The following SCMH1 variants were observed in gnomAD, a reference collection of about 807,000 sequenced individuals.
SCMH1 encodes polycomb protein SCMH1.
In SCMH1, 37 loss-of-function variants were observed where a neutral mutation model predicts 70.8. The ratio of observed to expected loss-of-function variants is 0.52; its 90% CI spans 0.40 to 0.69. The LOEUF (loss-of-function observed/expected upper bound fraction) is 0.69. SCMH1 is among the 30% of genes least tolerant of loss of function. SCMH1 has a pLI of 0.00. For synonymous variants in SCMH1, 292 were observed against 307.4 expected (o/e 0.95, Z 0.52); for missense variants, 607 against 827.3 (o/e 0.73, Z 3.27).
intron 1 of SCMH1, among the ~76,000 whole-genome samples, chr1:41,187,991 T>G (rs1650711812): frequency 1.3e-5 from 2 of 151,638 alleles, no homozygotes; most frequent in Admixed American, 1.3e-4. Flanking sequence ...TCAAAATAAA[T>G]AAATAAATAA....
chr1:41,089,790 T>TTTTTTTTTTTTTTTTTTTTC (rs1662840436), intron 8 of SCMH1, among the ~76,000 whole-genome samples: 1 of 98,654 alleles, frequency 1.0e-5, no homozygotes, highest in Non-Finnish European at 2.0e-5. Flanking sequence ...GTTGTCTCTT[T>TTTTTTTTTTTTTTTTTTTTC]TTTTTTTTTT....
intron 3 of SCMH1, among the ~76,000 whole-genome samples, chr1:41,161,156 G>C (rs899210286): frequency 1.3e-5 from 2 of 152,174 alleles, no homozygotes; most frequent in African/African-American, 4.8e-5. Flanking sequence ...AAGCTAATTT[G>C]GGATTACCTA....
chr1:41,131,785 T>C (rs563983335), intron 6 of SCMH1, among the ~76,000 whole-genome samples: 5 of 152,278 alleles, frequency 3.3e-5, no homozygotes, highest in South Asian at 2.1e-4. Context: ...CTCGCACTTA[T>C]GAGAATGTGC....
At chr1:41,236,108 G>T (rs1481998841) in intron 1 of SCMH1, among the ~76,000 whole-genome samples, 2 of 152,162 alleles carry the variant, frequency 1.3e-5, no homozygotes, top group Non-Finnish European at 2.9e-5. Context: ...CCTAGGAGTG[G>T]AATTGCTAGA....
chr1:41,027,355 C>T (rs573522531), exon 15 of SCMH1: 4 of 152,462 alleles, frequency 2.6e-5, no homozygotes, highest in Admixed American at 2.6e-4. Flanking sequence ...CCTCCCATCC[C>T]CCTTAGCGCC....
rs542159183 is a variant in SCMH1, at chr1:41,070,858, T to G, written c.979-137A>C. 4 of 1,094,902 alleles carry G rather than the reference T, an allele frequency of 3.7e-6. No homozygotes were observed. In the African/African-American group the frequency reaches 6.3e-5, roughly 17 times the overall value. 67.8% of individuals were successfully genotyped at this position (1,094,902 alleles called of 1,614,324 possible). On this transcript the variant is annotated intron_variant, in intron 9 of 14. Coordinates refer to ENST00000337495, the Ensembl canonical transcript of SCMH1. ...TTTTATCTTTGTTCTCTACACAGCATCTGGCTTAAAGCTATACATATACCT... is the reference window on the plus strand; with the variant it reads ...TTTTATCTTTGTTCTCTACACAGCAGCTGGCTTAAAGCTATACATATACCT...
intron 5 of SCMH1, among the ~76,000 whole-genome samples, chr1:41,144,204 A>C (rs1239787216): frequency 1.3e-5 from 2 of 152,140 alleles, no homozygotes; most frequent in Non-Finnish European, 2.9e-5. Context: ...CTAATTTTAT[A>C]ACATTTCCAT....
chr1:41,227,452 C>T (rs140500046), intron 1 of SCMH1, among the ~76,000 whole-genome samples: 13 of 152,272 alleles, frequency 8.5e-5, no homozygotes, highest in African/African-American at 1.2e-4. Flanking sequence ...CACGCTATAA[C>T]ACAGACGAAC....
intron 8 of SCMH1, among the ~76,000 whole-genome samples, chr1:41,099,444 G>A (rs1299325570): frequency 1.3e-5 from 2 of 152,116 alleles, no homozygotes; most frequent in African/African-American, 4.8e-5. Context: ...AATTCTCAAA[G>A]TACTTTAACA....
chr1:41,148,705 T>G (rs961883717), intron 5 of SCMH1, among the ~76,000 whole-genome samples: 6 of 152,204 alleles, frequency 3.9e-5, no homozygotes, highest in Non-Finnish European at 7.3e-5. Context: ...GCAATTTGAT[T>G]ATGATATGCC....
chr1:41,040,112 A>G (rs1322897100), intron 12 of SCMH1, among the ~76,000 whole-genome samples: 3 of 152,136 alleles, frequency 2.0e-5, no homozygotes, highest in Non-Finnish European at 4.4e-5. Flanking sequence ...GAGAGGAAAA[A>G]TGCTTAAACT....
At chr1:41,086,159 C>T (rs1362617752) in intron 8 of SCMH1, among the ~76,000 whole-genome samples, 1 of 152,202 alleles carries the variant, frequency 6.6e-6, no homozygotes, top group Non-Finnish European at 1.5e-5. Context: ...AAATGTACTA[C>T]AAAAATTTTA....
In SCMH1 at chr1:41,028,216, C is replaced by T. The variant is rs143523539; in HGVS notation, c.1925G>A (p.Arg642Gln). 1.1e-4 allele frequency: 180 copies of T among 1,613,968 alleles called. No individual in the cohort carries two copies. The highest frequency in any genetic ancestry group is 1.3e-4 in the Non-Finnish European group (150 of 1,179,996). The stretch of plus-strand genomic sequence containing the variant: ...GGTTCAGAACTTGCCCTGCTTCAGC[C>T]GGTCAATGTGGTAGGAGAGCTTGAG... Residue 642 changes from arginine (R) to glutamine (Q), a missense_variant, in exon 15 of 15, where the codon CGG becomes CAG. Arg to Gln is a conservative substitution (Grantham distance 43). Around this residue, in one of 3 missense-constraint regions of SCMH1, gnomAD observed 430 missense variants for 528.2 expected, o/e 0.81. Transcript: ENST00000337495.
intron 10 of SCMH1, among the ~76,000 whole-genome samples, chr1:41,068,538 T>C (rs1237348694): frequency 6.6e-6 from 1 of 152,150 alleles, no homozygotes; most frequent in Admixed American, 6.5e-5. Flanking sequence ...CCTGAGTAGC[T>C]GGGACTACAG....
intron 8 of SCMH1, among the ~76,000 whole-genome samples, chr1:41,083,144 G>A (rs1660554006): frequency 6.6e-6 from 1 of 152,144 alleles, no homozygotes; most frequent in South Asian, 2.1e-4. Flanking sequence ...GCAGGAGAAG[G>A]AAATAAAGGG....
At chr1:41,196,981 A>G (rs889133100) in intron 1 of SCMH1, among the ~76,000 whole-genome samples, 1 of 152,184 alleles carries the variant, frequency 6.6e-6, no homozygotes, top group Non-Finnish European at 1.5e-5. Flanking sequence ...GAAATGCAAA[A>G]AATACCTACA....
At chr1:41,202,072 A>C (rs1191568394) in intron 1 of SCMH1, among the ~76,000 whole-genome samples, 1 of 151,984 alleles carries the variant, frequency 6.6e-6, no homozygotes, top group East Asian at 1.9e-4. Flanking sequence ...AGACAGAGTC[A>C]CTCTTGTTGG....
At chr1:41,190,759 G>A (rs185587318) in intron 1 of SCMH1, among the ~76,000 whole-genome samples, 162 of 152,258 alleles carry the variant, frequency 1.1e-3, no homozygotes, top group African/African-American at 3.7e-3. Context: ...GGGGACAGAA[G>A]ACATAACAAC....
rs115548268 is a variant in SCMH1 at position 41,069,433 on chromosome 1, G to T, written c.1105+1162C>A. 1.1e-3 allele frequency among the ~76,000 whole-genome samples: 172 copies of T among 152,202 alleles called. 1 individual carries two copies. The highest frequency in any genetic ancestry group is 4.0e-3 in the African/African-American group (165 of 41,516). Reference sequence around the variant, plus strand: ...CCCTGGGGAATAGTAATTGACAGGGGGATACGAGGTATGTTTGTTTTGTTT... The same window carrying T: ...CCCTGGGGAATAGTAATTGACAGGGTGATACGAGGTATGTTTGTTTTGTTT... On this transcript the variant is annotated intron_variant, in intron 10 of 14. Transcript: ENST00000337495.
Sources: gnomAD v4.1 joint callset for allele counts (sites outside exome capture counted in the v4.1 genomes callset) on GRCh38, gnomAD v4.1.1 for gene constraint, gnomAD v4.1.1 regional missense constraint, MANE v1.5 for transcripts, NCBI Gene and HGNC (gene_info 2026-07-23, HGNC 2026-07-21) for gene names.